IL1RAPL1: variants seen among roughly 807,000 people sequenced by gnomAD.
The protein encoded by IL1RAPL1 is interleukin 1 receptor accessory protein like 1, also known as interleukin-1 receptor accessory protein-like 1.
Under a neutral mutation model 48.4 loss-of-function variants are expected in IL1RAPL1, and 3 were observed. The ratio of observed to expected loss-of-function variants is 0.06; its 90% CI spans 0.03 to 0.16. The LOEUF (loss-of-function observed/expected upper bound fraction) is 0.16, where lower values mean the gene tolerates loss of function less well. Among genes scored for constraint, IL1RAPL1 ranks in the 10% least tolerant of loss-of-function variants. The probability of loss-of-function intolerance (pLI) is 1.00; values close to 1 mark genes in which losing one functional copy is unlikely to be tolerated. For synonymous variants in IL1RAPL1, 185 were observed against 187.7 expected (o/e 0.99, Z 0.12); for missense variants, 349 against 530.6 (o/e 0.66, Z 3.36).
intron 6 of IL1RAPL1, among the ~76,000 whole-genome samples, chrX:29,894,928 A>G (rs1932349171): frequency 9.1e-6 from 1 of 109,989 alleles, no homozygotes; most frequent in African/African-American, 3.3e-5. Context: ...TCCCAGGTTC[A>G]AGCAATTCTC....
intron 2 of IL1RAPL1, among the ~76,000 whole-genome samples, chrX:29,137,377 A>G (rs1929154110): frequency 8.9e-6 from 1 of 112,040 alleles, no homozygotes; most frequent in South Asian, 3.7e-4. Context: ...CATATTCCAC[A>G]CAAGGTATAT....
chrX:29,168,291 C>T (rs1394810738), intron 2 of IL1RAPL1, among the ~76,000 whole-genome samples: 1 of 107,636 alleles, frequency 9.3e-6, no homozygotes, highest in Non-Finnish European at 1.9e-5. Flanking sequence ...CTTATTCTTT[C>T]CTGTCTAACT....
At chrX:29,907,423 T>C (rs1230067391) in intron 6 of IL1RAPL1, among the ~76,000 whole-genome samples, 3 of 111,282 alleles carry the variant, frequency 2.7e-5, no homozygotes, top group Admixed American at 9.6e-5. Context: ...ATATACTTTC[T>C]CCTATATAGT....
At chrX:29,726,160 C>T (rs1473635042) in intron 6 of IL1RAPL1, among the ~76,000 whole-genome samples, 2 of 112,142 alleles carry the variant, frequency 1.8e-5, no homozygotes, top group African/African-American at 3.2e-5. Flanking sequence ...AGAAACAAAA[C>T]ATTGAGGGAC....
intron 2 of IL1RAPL1, among the ~76,000 whole-genome samples, chrX:28,974,121 G>C (rs1422570461): frequency 1.8e-5 from 2 of 111,863 alleles, no homozygotes; most frequent in African/African-American, 6.5e-5. Flanking sequence ...AATTGATGTA[G>C]TGGTTACAGA....
chrX:29,561,055 G>A (rs187013218), intron 5 of IL1RAPL1, among the ~76,000 whole-genome samples: 3 of 111,775 alleles, frequency 2.7e-5, no homozygotes, highest in East Asian at 2.8e-4. Context: ...TAGGGGTCTC[G>A]CAGACCTTTA....
At chrX:28,914,435 C>T (rs1297037436) in intron 2 of IL1RAPL1, among the ~76,000 whole-genome samples, 1 of 111,790 alleles carries the variant, frequency 8.9e-6, no homozygotes, top group Non-Finnish European at 1.9e-5. Flanking sequence ...GTCACTTCCC[C>T]TCCTCCCACA....
At chrX:29,632,975 A>G (rs1014183658) in intron 5 of IL1RAPL1, among the ~76,000 whole-genome samples, 14 of 112,004 alleles carry the variant, frequency 1.2e-4, no homozygotes, top group Admixed American at 5.7e-4. Flanking sequence ...AACTGTCAGT[A>G]TCTAATAAGG....
chrX:29,438,686 G>T (rs1256858529), intron 5 of IL1RAPL1, among the ~76,000 whole-genome samples: 1 of 111,200 alleles, frequency 9.0e-6, no homozygotes, highest in East Asian at 2.8e-4. Context: ...AGATTTTCCT[G>T]TTATCTTTTT....
At chrX:28,943,188 G>A (rs1439349377) in intron 2 of IL1RAPL1, among the ~76,000 whole-genome samples, 86 of 103,421 alleles carry the variant, frequency 8.3e-4, no homozygotes, top group African/African-American at 2.8e-3. Context: ...GGTCATTAGA[G>A]CAGCTTTAAA....
chrX:29,350,541 T>G (rs1212434040), intron 3 of IL1RAPL1, among the ~76,000 whole-genome samples: 1 of 106,918 alleles, frequency 9.4e-6, no homozygotes, highest in Non-Finnish European at 1.9e-5. Flanking sequence ...ATCCAAGATC[T>G]GTGCATGTTC....
At chrX:29,363,030 C>T (rs1475834362) in intron 3 of IL1RAPL1, among the ~76,000 whole-genome samples, 1 of 111,403 alleles carries the variant, frequency 9.0e-6, no homozygotes, top group Non-Finnish European at 1.9e-5. Flanking sequence ...AGTGGCATAC[C>T]TACAGTATGT....
chrX:29,593,654 T>C (rs953734787), intron 5 of IL1RAPL1, among the ~76,000 whole-genome samples: 3 of 112,262 alleles, frequency 2.7e-5, no homozygotes, highest in Non-Finnish European at 5.6e-5. Flanking sequence ...ATGTATTCTT[T>C]ATATTCTTTT....
intron 1 of IL1RAPL1, among the ~76,000 whole-genome samples, chrX:28,760,906 T>G (rs903691609): frequency 9.1e-6 from 1 of 109,303 alleles, no homozygotes; most frequent in Admixed American, 9.9e-5. Context: ...ACCAATATGG[T>G]GAAACCCCAT....
intron 5 of IL1RAPL1, among the ~76,000 whole-genome samples, chrX:29,436,791 A>G (rs1048492689): frequency 8.1e-5 from 9 of 110,839 alleles, no homozygotes; most frequent in African/African-American, 2.9e-4. Context: ...AGAGTACTCT[A>G]ATAGGTCCTA....
At chrX:29,161,177 G>A (rs1929677517) in intron 2 of IL1RAPL1, among the ~76,000 whole-genome samples, 1 of 111,757 alleles carries the variant, frequency 8.9e-6, no homozygotes, top group Non-Finnish European at 1.9e-5. Flanking sequence ...ACCATCCATT[G>A]AAAGGTTTAA....
intron 2 of IL1RAPL1, among the ~76,000 whole-genome samples, chrX:29,180,347 C>T (rs1930118652): frequency 9.1e-6 from 1 of 110,245 alleles, no homozygotes; most frequent in Non-Finnish European, 1.9e-5. Flanking sequence ...TCAAGTACTT[C>T]TCTATTTTCA....
At position 28,982,567 on chromosome X, in the gene IL1RAPL1, C is replaced by G. The variant is rs183906055; in HGVS notation, c.82+193142C>G. Among the ~76,000 whole-genome samples, 305 of 111,792 alleles carry G rather than the reference C, an allele frequency of 2.7e-3. 2 individuals carry two copies. Among genetic ancestry groups the G allele is most frequent in the African/African-American group, 9.7e-3 (300 of 30,827 alleles). On this transcript the variant is annotated intron_variant, in intron 2 of 10. Transcript: ENST00000378993. ...TCTGTTGTGGAAGCTTCTATTCAAA[C>G]AAGGGTATGTATTTCATTTATTTTT... is the stretch of plus-strand genomic sequence containing the variant.
intron 2 of IL1RAPL1, among the ~76,000 whole-genome samples, chrX:28,820,017 T>G (rs1195912615): frequency 1.3e-5 from 1 of 76,305 alleles, no homozygotes; most frequent in Non-Finnish European, 2.4e-5. Flanking sequence ...TATATATACA[T>G]GTACTGTATC....
Sources: allele counts gnomAD v4.1 joint callset (sites outside exome capture counted in the v4.1 genomes callset), GRCh38; gene constraint gnomAD v4.1.1; transcripts MANE v1.5; gene names NCBI Gene and HGNC (gene_info 2026-07-23, HGNC 2026-07-21).